The following PTPN4 variants were observed in gnomAD, a reference collection of about 807,000 sequenced individuals.
The protein encoded by PTPN4 is tyrosine-protein phosphatase non-receptor type 4.
In PTPN4, 49 loss-of-function variants were observed where a neutral mutation model predicts 135.5. The observed-to-expected ratio is 0.36, with a 90% CI of 0.29 to 0.46. The LOEUF is 0.46. PTPN4 is among the 20% of genes least tolerant of loss of function. The probability of loss-of-function intolerance (pLI) is 1.00; values close to 1 mark genes in which losing one functional copy is unlikely to be tolerated. For synonymous variants in PTPN4, 333 were observed against 369.9 expected (o/e 0.90, Z 1.14); for missense variants, 860 against 1,101.0 (o/e 0.78, Z 3.10).
chr2:119,874,258 C>G (rs1677953874), intron 3 of PTPN4, among the ~76,000 whole-genome samples: 1 of 152,164 alleles, frequency 6.6e-6, no homozygotes, highest in African/African-American at 2.4e-5. Flanking sequence ...ATTGTGGAAA[C>G]AAGTTTGGCA....
intron 2 of PTPN4, among the ~76,000 whole-genome samples, chr2:119,841,343 G>C (rs999751906): frequency 3.3e-5 from 5 of 152,148 alleles, no homozygotes; most frequent in African/African-American, 1.2e-4. Context: ...ATACATGTAT[G>C]TGTCTATGTG....
intron 19 of PTPN4, among the ~76,000 whole-genome samples, chr2:119,952,962 C>T (rs757204115): frequency 1.3e-5 from 2 of 152,152 alleles, no homozygotes; most frequent in South Asian, 2.1e-4. Context: ...CTAAGTCTGT[C>T]ACTCTGTGCT....
intron 15 of PTPN4, among the ~76,000 whole-genome samples, chr2:119,936,042 A>T (rs979093689): frequency 6.6e-6 from 1 of 151,616 alleles, no homozygotes; most frequent in African/African-American, 2.4e-5. Flanking sequence ...TCGCTCTTTC[A>T]CCCAGGCGGG....
At chr2:119,865,389 CTT>C (rs1677817388) in intron 3 of PTPN4, among the ~76,000 whole-genome samples, 1 of 152,054 alleles carries the variant, frequency 6.6e-6, no homozygotes, top group Non-Finnish European at 1.5e-5. Context: ...ACTTTCCTCA[CTT>C]ATGATGAAAG....
intron 2 of PTPN4, among the ~76,000 whole-genome samples, chr2:119,826,054 A>C (rs140787601): frequency 6.6e-6 from 1 of 152,316 alleles, no homozygotes; most frequent in Non-Finnish European, 1.5e-5. Context: ...CCTCAATTTT[A>C]TAGGTCTGTG....
At chr2:119,937,169 C>G (rs1480008853) in intron 15 of PTPN4, among the ~76,000 whole-genome samples, 1 of 152,190 alleles carries the variant, frequency 6.6e-6, no homozygotes, top group South Asian at 2.1e-4. Flanking sequence ...GTATCCCCAA[C>G]AAGATGTTAT....
At chr2:119,911,566 T>C (rs375516712) in intron 10 of PTPN4, among the ~76,000 whole-genome samples, 1 of 152,154 alleles carries the variant, frequency 6.6e-6, no homozygotes, top group African/African-American at 2.4e-5. Flanking sequence ...AAAGTCTCAA[T>C]GCTTTTTATA....
chr2:119,969,622 G>C (rs561773060), intron 26 of PTPN4, among the ~76,000 whole-genome samples: 1 of 141,138 alleles, frequency 7.1e-6, no homozygotes, highest in African/African-American at 2.6e-5. Flanking sequence ...GCAGTGGCGC[G>C]ATCTCAGCTC....
intron 9 of PTPN4, among the ~76,000 whole-genome samples, chr2:119,890,000 G>A (rs1043509583): frequency 6.6e-6 from 1 of 152,110 alleles, no homozygotes; most frequent in African/African-American, 2.4e-5. Flanking sequence ...GCATTGTTCA[G>A]TGGAATGTTC....
chr2:119,809,814 G>T (rs1558732807), intron 1 of PTPN4, 23 bp from the exon 2 acceptor site: 8 of 1,505,396 alleles, frequency 5.3e-6, no homozygotes, highest in Non-Finnish European at 9.0e-7. Flanking sequence ...TTTATTTAGT[G>T]AATTTTTTTT....
intron 26 of PTPN4, among the ~76,000 whole-genome samples, chr2:119,969,694 G>A (rs915368816): frequency 2.0e-5 from 3 of 151,838 alleles, no homozygotes; most frequent in African/African-American, 4.8e-5. Context: ...GAGTAGCTGG[G>A]ACTACAGGCA....
At chr2:119,788,799 A>G (rs1277244737) in intron 1 of PTPN4, among the ~76,000 whole-genome samples, 1 of 152,208 alleles carries the variant, frequency 6.6e-6, no homozygotes, top group Non-Finnish European at 1.5e-5. Flanking sequence ...TTGTGTGGAT[A>G]TACCATATTT....
At chr2:119,847,500 T>C (rs1677522975) in intron 2 of PTPN4, among the ~76,000 whole-genome samples, 2 of 152,048 alleles carry the variant, frequency 1.3e-5, no homozygotes, top group South Asian at 4.2e-4. Context: ...GCTAATTTTG[T>C]ATTTTTAGTA....
chr2:119,894,038 A>G (rs1678281737), intron 9 of PTPN4, among the ~76,000 whole-genome samples: 1 of 152,178 alleles, frequency 6.6e-6, no homozygotes, highest in Admixed American at 6.5e-5. Context: ...ATGTATGTTA[A>G]TCCCATTTAA....
intron 8 of PTPN4, among the ~76,000 whole-genome samples, chr2:119,884,468 A>G (rs544111720): frequency 1.3e-5 from 2 of 152,342 alleles, no homozygotes; most frequent in East Asian, 3.9e-4. Context: ...CCTTTGCAAT[A>G]AAAGGTTTGC....
chr2:119,892,506 G>T (rs544121393), intron 9 of PTPN4, among the ~76,000 whole-genome samples: 2 of 152,146 alleles, frequency 1.3e-5, no homozygotes, highest in African/African-American at 2.4e-5. Context: ...ATCAGGGAAG[G>T]TCTCACTGAG....
chr2:119,849,281 G>A (rs547954026), intron 2 of PTPN4, among the ~76,000 whole-genome samples: 60 of 151,888 alleles, frequency 4.0e-4, no homozygotes, highest in African/African-American at 7.0e-4. Flanking sequence ...TTATGTTTTC[G>A]TTTAAACTTG....
At chr2:119,936,272 G>A (rs531174602) in intron 15 of PTPN4, among the ~76,000 whole-genome samples, 1 of 152,270 alleles carries the variant, frequency 6.6e-6, no homozygotes, top group South Asian at 2.1e-4. Context: ...AAAGTGCTGG[G>A]ATTCCAGGCG....
intron 1 of PTPN4, among the ~76,000 whole-genome samples, chr2:119,774,416 T>A (rs1005459303): frequency 2.6e-5 from 4 of 152,244 alleles, no homozygotes; most frequent in Non-Finnish European, 5.9e-5. Context: ...AAGCTGTTGC[T>A]ACAGCTACAC....
Sources: gnomAD v4.1 joint callset for allele counts (sites outside exome capture counted in the v4.1 genomes callset) on GRCh38, gnomAD v4.1.1 for gene constraint, MANE v1.5 for transcripts, NCBI Gene and HGNC (gene_info 2026-07-23, HGNC 2026-07-21) for gene names.